Variants in AP3B1 observed in about 807,000 individuals in gnomAD.
AP3B1 encodes AP-3 complex subunit beta-1.
A neutral mutation model predicts 132.5 loss-of-function variants in AP3B1; 61 were observed. The ratio of observed to expected loss-of-function variants is 0.46; its 90% confidence interval spans 0.37 to 0.57. The LOEUF (loss-of-function observed/expected upper bound fraction) is 0.57. Ranked by LOEUF, AP3B1 falls within the 20% of genes least tolerant of loss-of-function variation. The pLI, the probability that AP3B1 is intolerant of heterozygous loss-of-function variation, is 0.00. For missense variants in AP3B1, 1,120 were observed against 1,289.4 expected (o/e 0.87, Z 2.01); for synonymous variants, 388 against 438.3 (o/e 0.89, Z 1.43).
At chr5:78,197,194 TAAGA>T (rs1745108786) in intron 7 of AP3B1, among the ~76,000 whole-genome samples, 1 of 152,056 alleles carries the variant, frequency 6.6e-6, no homozygotes, top group Non-Finnish European at 1.5e-5. Context: ...TTTTTATTTT[TAAGA>T]AAGCAGTGAG....
At chr5:78,088,963 GA>G (rs982003922) in intron 22 of AP3B1, 14 of 159,152 alleles carry the variant, frequency 8.8e-5, no homozygotes, top group South Asian at 6.8e-4. Context: ...AAATAAGACA[GA>G]AAAAAAAATC....
chr5:78,177,890 C>T (rs1410648083), intron 8 of AP3B1, among the ~76,000 whole-genome samples: 1 of 152,160 alleles, frequency 6.6e-6, no homozygotes, highest in Non-Finnish European at 1.5e-5. Context: ...GTAACCAATA[C>T]TGATTATACC....
intron 3 of AP3B1, among the ~76,000 whole-genome samples, chr5:78,231,228 G>A (rs2112501374): frequency 6.6e-6 from 1 of 152,276 alleles, no homozygotes; most frequent in Non-Finnish European, 1.5e-5. Context: ...CTGGAGTGCA[G>A]TGGGGCGATC....
intron 1 of AP3B1, among the ~76,000 whole-genome samples, chr5:78,267,876 A>C (rs1012578448): frequency 6.6e-6 from 1 of 152,202 alleles, no homozygotes; most frequent in African/African-American, 2.4e-5. Context: ...TAGCAAACTA[A>C]TACAAGGGTT....
At chr5:78,003,458 C>G (rs562533950) in intron 26 of AP3B1, 21 of 798,234 alleles carry the variant, frequency 2.6e-5, no homozygotes, top group African/African-American at 1.9e-4. Flanking sequence ...AGAAAAGGTA[C>G]CTTTCTCAAA....
intron 22 of AP3B1, among the ~76,000 whole-genome samples, chr5:78,072,289 A>G (rs1435869583): frequency 6.6e-6 from 1 of 152,226 alleles, no homozygotes; most frequent in Non-Finnish European, 1.5e-5. Context: ...AAAGATTTTG[A>G]AAGAAAACAT....
At chr5:78,197,827 G>T (rs1745135227) in intron 7 of AP3B1, among the ~76,000 whole-genome samples, 1 of 152,132 alleles carries the variant, frequency 6.6e-6, no homozygotes, top group Non-Finnish European at 1.5e-5. Context: ...TTTGTATCAT[G>T]TGAGCAGTAA....
intron 11 of AP3B1, among the ~76,000 whole-genome samples, chr5:78,166,773 C>T (rs1325532539): frequency 6.6e-6 from 1 of 152,098 alleles, no homozygotes; most frequent in African/African-American, 2.4e-5. Flanking sequence ...ACAAATGGTG[C>T]CAGGATAATT....
chr5:78,174,251 T>C (rs936302328), intron 11 of AP3B1, among the ~76,000 whole-genome samples: 3 of 152,340 alleles, frequency 2.0e-5, no homozygotes, highest in Non-Finnish European at 4.4e-5. Flanking sequence ...CAATCCTTTG[T>C]AGGAGAAGAG....
intron 7 of AP3B1, among the ~76,000 whole-genome samples, chr5:78,205,199 G>A (rs995781615): frequency 6.6e-6 from 1 of 151,910 alleles, no homozygotes; most frequent in African/African-American, 2.4e-5. Flanking sequence ...TATAAGAAAT[G>A]CAAAAATAAG....
At chr5:78,056,295 T>C (rs767136689) in intron 22 of AP3B1, among the ~76,000 whole-genome samples, 27 of 152,220 alleles carry the variant, frequency 1.8e-4, no homozygotes, top group Non-Finnish European at 3.7e-4. Context: ...GTTTTCCTCT[T>C]CTGTAAAATG....
rs568037790 is a variant in AP3B1, at chr5:78,254,281, G to A, written c.204+13239C>T. 1.3e-4 allele frequency among the ~76,000 whole-genome samples: 20 copies of A among 152,158 alleles called. No homozygotes were observed. In the South Asian group the frequency reaches 2.7e-3, roughly 21 times the overall value. The stretch of plus-strand genomic sequence containing the variant: ...AAGGGAAGGTAGAGAAATCGATGGC[G>A]GTAGAAAGTTTATTCAAAGGGATAA... On this transcript the variant is annotated intron_variant, in intron 2 of 26. Transcript: ENST00000255194.
chr5:78,222,666 T>A (rs1014248974), intron 6 of AP3B1: 1 of 152,020 alleles, frequency 6.6e-6, no homozygotes, highest in Non-Finnish European at 1.5e-5. Flanking sequence ...ATGAGAAAAT[T>A]AACTCAAACA....
chr5:78,015,614 A>T, intron 25 of AP3B1, 66 bp from the exon 26 acceptor site: 1 of 1,570,188 alleles, frequency 6.4e-7, no homozygotes, highest in South Asian at 1.1e-5. Context: ...ACAGAATTTT[A>T]AGCTCATGGC....
chr5:78,177,517 T>G (rs1009688995), intron 8 of AP3B1, 81 bp from the exon 9 acceptor site: 6 of 1,014,340 alleles, frequency 5.9e-6, no homozygotes, highest in Non-Finnish European at 9.4e-6. Context: ...TACACATTAT[T>G]TCCTCTAAGT....
intron 20 of AP3B1, among the ~76,000 whole-genome samples, chr5:78,101,960 T>C (rs1351382322): frequency 6.6e-6 from 1 of 152,046 alleles, no homozygotes; most frequent in Non-Finnish European, 1.5e-5. Context: ...TACTAAAATG[T>C]TTTTGTTTAT....
intron 22 of AP3B1, among the ~76,000 whole-genome samples, chr5:78,078,371 GA>G (rs1267824206): frequency 6.6e-6 from 1 of 152,030 alleles, no homozygotes; most frequent in Non-Finnish European, 1.5e-5. Context: ...ATAAAACAAA[GA>G]TCTGATCACT....
intron 7 of AP3B1, among the ~76,000 whole-genome samples, chr5:78,197,831 G>A (rs1269866518): frequency 2.0e-5 from 3 of 152,166 alleles, no homozygotes; most frequent in Non-Finnish European, 4.4e-5. Flanking sequence ...TATCATGTGA[G>A]CAGTAACAAT....
chr5:78,113,667 A>G, intron 19 of AP3B1, 85 bp downstream of exon 19: 2 of 1,491,268 alleles, frequency 1.3e-6, no homozygotes, highest in Non-Finnish European at 1.8e-6. Flanking sequence ...TTCTCTCACC[A>G]TTTTTTGATT....
Sources: gnomAD v4.1 joint callset for allele counts (sites outside exome capture counted in the v4.1 genomes callset) on GRCh38, gnomAD v4.1.1 for gene constraint, MANE v1.5 for transcripts, NCBI Gene and HGNC (gene_info 2026-07-23, HGNC 2026-07-21) for gene names.